Variants in PAPPA observed in about 807,000 individuals in gnomAD.
The protein encoded by PAPPA is pappalysin-1.
Under a neutral mutation model 164.0 loss-of-function variants are expected in PAPPA, and 60 were observed. The ratio of observed to expected loss-of-function variants is 0.37; its 90% CI spans 0.30 to 0.45. The LOEUF is 0.45. Ranked by LOEUF, PAPPA falls within the 20% of genes least tolerant of loss-of-function variation. PAPPA has a pLI of 1.00. For synonymous variants in PAPPA, 875 were observed against 814.1 expected (o/e 1.07, Z -1.27); for missense variants, 1,782 against 2,087.3 (o/e 0.85, Z 2.85).
chr9:116,320,141 C>A (rs1015527574), intron 10 of PAPPA, among the ~76,000 whole-genome samples: 2 of 152,180 alleles, frequency 1.3e-5, no homozygotes, highest in East Asian at 1.9e-4. Flanking sequence ...TAGGGCAATA[C>A]GTCTTATATG....
chr9:116,236,913 A>T (rs1207407964), intron 7 of PAPPA, among the ~76,000 whole-genome samples: 7 of 152,204 alleles, frequency 4.6e-5, no homozygotes, highest in Non-Finnish European at 1.0e-4. Context: ...ACTGCACTCA[A>T]CTGGTGCTCA....
intron 2 of PAPPA, among the ~76,000 whole-genome samples, chr9:116,189,835 C>T (rs962304278): frequency 2.0e-5 from 3 of 152,176 alleles, no homozygotes; most frequent in East Asian, 1.9e-4. Context: ...AAGGGCCTCC[C>T]GTGCGTGAAC....
chr9:116,188,338 C>T, intron 2 of PAPPA, 122 bp downstream of exon 2: 1 of 689,542 alleles, frequency 1.5e-6, no homozygotes, highest in Non-Finnish European at 2.5e-6. Flanking sequence ...CCAGCAGCTT[C>T]ATGATTGAGG....
At chr9:116,307,371 G>C (rs529210800) in intron 10 of PAPPA, among the ~76,000 whole-genome samples, 1 of 152,074 alleles carries the variant, frequency 6.6e-6, no homozygotes, top group African/African-American at 2.4e-5. Context: ...AGGCTGAGGC[G>C]GGCGGATCAC....
At chr9:116,175,408 C>T (rs1034123460) in intron 1 of PAPPA, among the ~76,000 whole-genome samples, 1 of 152,132 alleles carries the variant, frequency 6.6e-6, no homozygotes, top group Non-Finnish European at 1.5e-5. Flanking sequence ...TTCTAATAAG[C>T]ATGTAAGATA....
At chr9:116,244,396 C>G (rs182071280) in intron 7 of PAPPA, among the ~76,000 whole-genome samples, 1 of 152,256 alleles carries the variant, frequency 6.6e-6, no homozygotes, top group African/African-American at 2.4e-5. Context: ...TAAATTTATT[C>G]ATTTGTTTGT....
At chr9:116,236,180 A>C (rs1844662967) in intron 7 of PAPPA, among the ~76,000 whole-genome samples, 1 of 152,152 alleles carries the variant, frequency 6.6e-6, no homozygotes, top group South Asian at 2.1e-4. Context: ...TTATTTCCTG[A>C]GGCAGAACAG....
intron 1 of PAPPA, among the ~76,000 whole-genome samples, chr9:116,174,628 T>C (rs1186129738): frequency 6.6e-6 from 1 of 152,176 alleles, no homozygotes; most frequent in Non-Finnish European, 1.5e-5. Flanking sequence ...GTTGGCACAG[T>C]GCCTGAGGTC....
At chr9:116,384,788 T>C (rs774978544) in intron 21 of PAPPA, among the ~76,000 whole-genome samples, 33 of 150,912 alleles carry the variant, frequency 2.2e-4, no homozygotes, top group Non-Finnish European at 2.4e-4. Flanking sequence ...TTTTCTTCCA[T>C]TGGAGTCAGC....
At chr9:116,364,980 C>T (rs1308196465) in intron 18 of PAPPA, among the ~76,000 whole-genome samples, 1 of 152,088 alleles carries the variant, frequency 6.6e-6, no homozygotes, top group African/African-American at 2.4e-5. Context: ...GAGAAAAAGC[C>T]ACATAGGGAG....
At chr9:116,249,723 G>T (rs1423563815) in intron 7 of PAPPA, among the ~76,000 whole-genome samples, 1 of 152,156 alleles carries the variant, frequency 6.6e-6, no homozygotes, top group Non-Finnish European at 1.5e-5. Context: ...TAATCAAAAG[G>T]AGGAGGCAGG....
At chr9:116,156,098 G>T in intron 1 of PAPPA, among the ~76,000 whole-genome samples, 1 of 149,298 alleles carries the variant, frequency 6.7e-6, no homozygotes, top group African/African-American at 2.5e-5. Context: ...AGAGACTGCT[G>T]CTTGGAGGTG....
Position 116,396,958 on chromosome 9 carries a change from A to C in PAPPA, c.*342A>C. The C allele has an allele frequency of 1.0e-5, 3 of 286,392 alleles. No individual in the cohort carries two copies. Among genetic ancestry groups the C allele is most frequent in the Non-Finnish European group, 2.0e-5 (3 of 151,662 alleles). The allele number at this position is 286,392 out of a possible 1,614,324, so 17.7% of individuals were successfully genotyped here. ...GTGTGCCCATCTGTGTTTAGTACAC[A>C]TGCATGCATACACACCCATACAAAC... On this transcript the variant is annotated 3_prime_UTR_variant, in exon 22 of 22. Coordinates refer to ENST00000328252, the MANE Select transcript of PAPPA (RefSeq NM_002581.5).
intron 13 of PAPPA, 35 bp from the exon 14 acceptor site, chr9:116,344,508 A>C: frequency 6.3e-7 from 1 of 1,593,868 alleles, no homozygotes; most frequent in South Asian, 1.1e-5. Context: ...TCCTGTGAGG[A>C]GACTCCTTCT....
In PAPPA at chr9:116,352,935, G is replaced by A; in HGVS notation, c.4175+19G>A. 6.3e-7 allele frequency: 1 copy of A among 1,585,866 alleles called. No individual in the cohort carries two copies. The highest frequency in any genetic ancestry group is 8.7e-7 in the Non-Finnish European group (1 of 1,155,742). ...CAAAGAAGTAAGTGGGGTTGGAAAT[G>A]CAAACTTATGGTCTCTGGGAGGACA... is the stretch of plus-strand genomic sequence containing the variant. On this transcript the variant is annotated intron_variant, in intron 16 of 21. Transcript: ENST00000328252.
Position 116,348,545 on chromosome 9 carries a change from T to G in PAPPA, c.3964+1336T>G, listed in dbSNP as rs564012490. ...GGAGGACATGTGCAGGTTTGTTATA[T>G]AGGTAAATTTGTGTCATGGAGGTTC... On this transcript the variant is annotated intron_variant, in intron 15 of 21. Coordinates refer to ENST00000328252, the MANE Select transcript of PAPPA (RefSeq NM_002581.5). Among the ~76,000 whole-genome samples the G allele has an allele frequency of 2.9e-4, 44 of 152,266 alleles. 1 individual carries two copies. The highest frequency in any genetic ancestry group is 1.0e-3 in the South Asian group (5 of 4,824).
intron 21 of PAPPA, among the ~76,000 whole-genome samples, chr9:116,389,945 C>T (rs1846868959): frequency 6.6e-6 from 1 of 151,948 alleles, no homozygotes; most frequent in South Asian, 2.1e-4. Flanking sequence ...TAAGAATGTG[C>T]TTCTTGTTTG....
At chr9:116,310,680 T>A (rs1000319761) in intron 10 of PAPPA, among the ~76,000 whole-genome samples, 5 of 152,178 alleles carry the variant, frequency 3.3e-5, no homozygotes, top group African/African-American at 1.2e-4. Flanking sequence ...TCATTTACCC[T>A]TTCAATATCT....
At chr9:116,370,103 C>G (rs777831128) in intron 19 of PAPPA, among the ~76,000 whole-genome samples, 2 of 152,148 alleles carry the variant, frequency 1.3e-5, no homozygotes, top group Non-Finnish European at 2.9e-5. Flanking sequence ...CCTGCGAGCA[C>G]CAGTGCAATT....
Sources: allele counts gnomAD v4.1 joint callset (sites outside exome capture counted in the v4.1 genomes callset), GRCh38; gene constraint gnomAD v4.1.1; transcripts MANE v1.5; gene names NCBI Gene and HGNC (gene_info 2026-07-23, HGNC 2026-07-21).